Variants in RUNDC3B observed in about 807,000 individuals in gnomAD.
RUNDC3B encodes the protein RUN domain-containing protein 3B.
A neutral mutation model predicts 58.4 loss-of-function variants in RUNDC3B; 33 were observed. The observed-to-expected ratio is 0.56, with a 90% CI of 0.43 to 0.75. The LOEUF is 0.75. RUNDC3B is among the 30% of genes least tolerant of loss of function. The probability of loss-of-function intolerance (pLI) is 0.00; values close to 1 mark genes in which losing one functional copy is unlikely to be tolerated. For synonymous variants in RUNDC3B, 193 were observed against 195.2 expected (o/e 0.99, Z 0.10); for missense variants, 501 against 535.7 (o/e 0.94, Z 0.64).
chr7:87,632,402 T>A (rs1344634386), intron 1 of RUNDC3B, among the ~76,000 whole-genome samples: 1 of 152,214 alleles, frequency 6.6e-6, no homozygotes, highest in East Asian at 1.9e-4. Context: ...TAGTTTTTTT[T>A]AGTGAACATT....
At chr7:87,672,782 C>T (rs1407232431) in intron 2 of RUNDC3B, among the ~76,000 whole-genome samples, 1 of 152,156 alleles carries the variant, frequency 6.6e-6, no homozygotes, top group African/African-American at 2.4e-5. Context: ...CACATTGACT[C>T]ACTGCTTCCC....
At chr7:87,813,993 A>AG (rs1220225490) in intron 9 of RUNDC3B, among the ~76,000 whole-genome samples, 1 of 152,130 alleles carries the variant, frequency 6.6e-6, no homozygotes, top group East Asian at 1.9e-4. Context: ...AAAAAAAAAA[A>AG]AGATTTTAAT....
intron 1 of RUNDC3B, 129 bp downstream of exon 1, chr7:87,629,074 C>G (rs1820924809): frequency 3.2e-6 from 3 of 927,002 alleles, no homozygotes; most frequent in Non-Finnish European, 1.4e-6. Context: ...GTTGCGCCAG[C>G]CAAATCTGTG....
rs199658954 is a variant in RUNDC3B, at chr7:87,777,749, T to G, written c.799-49T>G. 2.3e-5 allele frequency: 34 copies of G among 1,473,504 alleles called. No individual in the cohort carries two copies. The East Asian group carries it at 3.2e-4, about 14-fold the overall frequency. The allele number at this position is 1,473,504 out of a possible 1,614,324, so 91.3% of individuals were successfully genotyped here. Reference sequence around the variant, plus strand: ...CTACTCAGCATTTATCTTCAGGATATGTATTAGAATTTTGCAGTTTCTATA... The same window carrying G: ...CTACTCAGCATTTATCTTCAGGATAGGTATTAGAATTTTGCAGTTTCTATA... On this transcript the variant is annotated intron_variant, in intron 7 of 10. Coordinates refer to ENST00000394654, the MANE Select transcript of RUNDC3B (RefSeq NM_001134405.2).
chr7:87,722,975 G>A (rs146812933), intron 4 of RUNDC3B, among the ~76,000 whole-genome samples: 7,368 of 152,228 alleles, frequency 0.048, 265 homozygotes, highest in East Asian at 0.091. Flanking sequence ...TCAAGAACGT[G>A]AAGTTGTAGT....
At position 87,829,988 on chromosome 7, in the gene RUNDC3B, T is replaced by A; in HGVS notation, c.1329T>A (p.Ser443Arg). Residue 443 changes from serine (S) to arginine (R), a missense_variant, in exon 11 of 11, where the codon AGT (serine) becomes AGA (arginine). Ser to Arg is a moderately radical substitution (Grantham distance 110). Transcript: ENST00000394654. ...TSLKSNDYLA[S>R]PTTEMTSPGL... ...TAAAATCTAATGACTACCTTGCAAG[T>A]CCTACAACAGAGATGACAAGTCCAG... is the stretch of plus-strand genomic sequence containing the variant. 1 of 1,609,748 alleles carries A rather than the reference T, an allele frequency of 6.2e-7. No individual in the cohort carries two copies. Among genetic ancestry groups the A allele is most frequent in the Non-Finnish European group, 8.5e-7 (1 of 1,177,748 alleles).
At chr7:87,730,486 G>A (rs1274508884) in intron 4 of RUNDC3B, among the ~76,000 whole-genome samples, 1 of 151,610 alleles carries the variant, frequency 6.6e-6, no homozygotes, top group Non-Finnish European at 1.5e-5. Context: ...TTGAGGAAAA[G>A]GGGAGGAAGA....
At chr7:87,643,763 G>C (rs1261079462) in intron 1 of RUNDC3B, among the ~76,000 whole-genome samples, 2 of 152,102 alleles carry the variant, frequency 1.3e-5, no homozygotes, top group Non-Finnish European at 2.9e-5. Flanking sequence ...CTGAGCTCAG[G>C]CAATCTGCCT....
chr7:87,751,319 C>T (rs559505320), intron 6 of RUNDC3B, among the ~76,000 whole-genome samples: 40 of 152,214 alleles, frequency 2.6e-4, no homozygotes, highest in Admixed American at 2.2e-3. Context: ...AGTGTGATGC[C>T]TCCAGCTTTG....
At chr7:87,715,334 ATTAAT>A (rs1830477014) in intron 4 of RUNDC3B, among the ~76,000 whole-genome samples, 1 of 117,416 alleles carries the variant, frequency 8.5e-6, no homozygotes, top group Admixed American at 9.6e-5. Context: ...ATTATATATA[ATTAAT>A]TTATAATAAT....
At chr7:87,703,798 C>T (rs1307146735) in intron 3 of RUNDC3B, among the ~76,000 whole-genome samples, 3 of 135,070 alleles carry the variant, frequency 2.2e-5, no homozygotes, top group African/African-American at 8.3e-5. Context: ...AATTCATTTA[C>T]TTACTTTTTA....
At chr7:87,637,205 C>T (rs1191365801) in intron 1 of RUNDC3B, among the ~76,000 whole-genome samples, 1 of 152,204 alleles carries the variant, frequency 6.6e-6, no homozygotes, top group Non-Finnish European at 1.5e-5. Context: ...TTCTCCACTA[C>T]ACTCATGCAT....
intron 2 of RUNDC3B, among the ~76,000 whole-genome samples, chr7:87,682,690 G>A (rs544269201): frequency 6.6e-6 from 1 of 152,312 alleles, no homozygotes; most frequent in African/African-American, 2.4e-5. Flanking sequence ...AAACAGAGGA[G>A]CTGTCATCCA....
intron 6 of RUNDC3B, among the ~76,000 whole-genome samples, chr7:87,746,962 TC>T (rs1832675937): frequency 6.6e-6 from 1 of 152,202 alleles, no homozygotes. Flanking sequence ...CCTCCTGAAT[TC>T]TTTTTCAGGT....
rs1304377438 is a variant in RUNDC3B at position 87,628,694 on chromosome 7, T to G, written c.-130T>G. ...TCCCTGCTGTCTTCCACACCCTTCC[T>G]CCCTCCAGGCTCCTTTCCTACATCC... On this transcript the variant is annotated 5_prime_UTR_variant, in exon 1 of 11. Coordinates refer to ENST00000394654, the MANE Select transcript of RUNDC3B (RefSeq NM_001134405.2). 1 of 532,922 alleles carries G rather than the reference T, an allele frequency of 1.9e-6. No individual in the cohort carries two copies. Among genetic ancestry groups the G allele is most frequent in the African/African-American group, 2.0e-5 (1 of 51,070 alleles). The allele number at this position is 532,922 out of a possible 1,614,324, so 33.0% of individuals were successfully genotyped here. A position where few individuals can be genotyped will look rare whatever the true frequency, so the allele number is the denominator to read the frequency against.
chr7:87,717,194 G>C (rs1318886993), intron 4 of RUNDC3B, among the ~76,000 whole-genome samples: 1 of 152,068 alleles, frequency 6.6e-6, no homozygotes, highest in Non-Finnish European at 1.5e-5. Flanking sequence ...ATGGATAATG[G>C]AGGTATTCTA....
chr7:87,797,288 C>T (rs1035465054), intron 8 of RUNDC3B, among the ~76,000 whole-genome samples: 18 of 152,016 alleles, frequency 1.2e-4, no homozygotes, highest in African/African-American at 4.1e-4. Context: ...CTTTTAAAGT[C>T]GTTTCTGATG....
intron 9 of RUNDC3B, among the ~76,000 whole-genome samples, chr7:87,813,314 A>G (rs1161536901): frequency 6.6e-6 from 1 of 152,176 alleles, no homozygotes; most frequent in East Asian, 1.9e-4. Flanking sequence ...AGCTCATTTC[A>G]TGTTACTATT....
intron 8 of RUNDC3B, among the ~76,000 whole-genome samples, chr7:87,780,349 T>G (rs1834859268): frequency 6.6e-6 from 1 of 152,210 alleles, no homozygotes; most frequent in South Asian, 2.1e-4. Context: ...TTGATTTGCA[T>G]TTGTCTAATT....
Sources: allele counts gnomAD v4.1 joint callset (sites outside exome capture counted in the v4.1 genomes callset), GRCh38; gene constraint gnomAD v4.1.1; transcripts MANE v1.5; gene names NCBI Gene and HGNC (gene_info 2026-07-23, HGNC 2026-07-21).